The following GABRB1 variants were observed in gnomAD, a reference collection of about 807,000 sequenced individuals.
GABRB1 encodes the protein gamma-aminobutyric acid receptor subunit beta-1.
A neutral mutation model predicts 51.6 loss-of-function variants in GABRB1; 17 were observed. That is an observed-to-expected ratio of 0.33 (90% CI 0.23 to 0.49). The LOEUF (loss-of-function observed/expected upper bound fraction) is 0.49, where lower values mean the gene tolerates loss of function less well. Ranked by LOEUF, GABRB1 falls within the 20% of genes least tolerant of loss-of-function variation. The pLI, the probability that GABRB1 is intolerant of heterozygous loss-of-function variation, is 0.99. For missense variants in GABRB1, 410 were observed against 600.6 expected (o/e 0.68, Z 3.32); for synonymous variants, 247 against 218.9 (o/e 1.13, Z -1.14).
chr4:47,027,900 C>T (rs914550790), upstream of GABRB1, among the ~76,000 whole-genome samples: 27 of 151,636 alleles, frequency 1.8e-4, no homozygotes, highest in Admixed American at 7.9e-4. Context: ...GCAAATGCCA[C>T]CAATACATGC....
chr4:47,123,442 AT>A (rs1715889375), intron 3 of GABRB1, among the ~76,000 whole-genome samples: 2 of 117,544 alleles, frequency 1.7e-5, no homozygotes, highest in South Asian at 4.6e-4. Context: ...ATAATATATT[AT>A]TTTATATATT....
At chr4:47,189,172 A>G (rs531070516) in intron 4 of GABRB1, among the ~76,000 whole-genome samples, 15 of 151,808 alleles carry the variant, frequency 9.9e-5, no homozygotes, top group Admixed American at 4.6e-4. Context: ...AAAAGTTACC[A>G]AAAATAGAAG....
At chr4:47,284,207 C>T (rs1156574213) in intron 4 of GABRB1, among the ~76,000 whole-genome samples, 2 of 151,730 alleles carry the variant, frequency 1.3e-5, no homozygotes, top group Non-Finnish European at 2.9e-5. Context: ...GATTGACAGG[C>T]TTTTGGCTGA....
chr4:47,094,047 T>C (rs1294028252), intron 3 of GABRB1, among the ~76,000 whole-genome samples: 1 of 151,806 alleles, frequency 6.6e-6, no homozygotes, highest in Non-Finnish European at 1.5e-5. Flanking sequence ...GGCAAGAGGA[T>C]GGCAAGGAGG....
rs563859897 is a variant in GABRB1 at position 47,214,373 on chromosome 4, T to C, written c.461+52904T>C. Among the ~76,000 whole-genome samples the C allele has an allele frequency of 1.1e-3, 169 of 152,258 alleles. 1 individual carries two copies. The highest frequency in any genetic ancestry group is 6.0e-4 in the Non-Finnish European group (41 of 68,014). The stretch of plus-strand genomic sequence containing the variant: ...CTACCTCTCAGCTCCAGAGTGGGCT[T>C]TGTAGCTGGATCTGCTGGTTTGGAA... On this transcript the variant is annotated intron_variant, in intron 4 of 8. Transcript: ENST00000295454.
chr4:47,141,791 A>G (rs1029879586), intron 3 of GABRB1, among the ~76,000 whole-genome samples: 6 of 151,954 alleles, frequency 3.9e-5, no homozygotes, highest in Non-Finnish European at 8.8e-5. Context: ...AGTAAATATA[A>G]GTATCTATTG....
At chr4:47,256,223 A>G (rs1722193416) in intron 4 of GABRB1, among the ~76,000 whole-genome samples, 1 of 152,216 alleles carries the variant, frequency 6.6e-6, no homozygotes, top group Non-Finnish European at 1.5e-5. Flanking sequence ...ATGTTCTTTA[A>G]GGACTCATGG....
chr4:47,226,438 G>A (rs1359143970), intron 4 of GABRB1, among the ~76,000 whole-genome samples: 8 of 152,178 alleles, frequency 5.3e-5, no homozygotes, highest in East Asian at 1.9e-4. Context: ...TAGGAACATC[G>A]CCAAGAAGCA....
At chr4:47,085,824 CCT>C (rs1728032524) in intron 3 of GABRB1, among the ~76,000 whole-genome samples, 2 of 152,126 alleles carry the variant, frequency 1.3e-5, no homozygotes. Flanking sequence ...CCGGCTGTGC[CCT>C]GTCACCTCCA....
intron 8 of GABRB1, among the ~76,000 whole-genome samples, chr4:47,417,608 G>A (rs966195545): frequency 6.6e-6 from 1 of 152,186 alleles, no homozygotes; most frequent in African/African-American, 2.4e-5. Context: ...TTCTCTACAA[G>A]GGAAGGCAGC....
chr4:47,333,161 A>T (rs1007072644), intron 5 of GABRB1, among the ~76,000 whole-genome samples: 2 of 144,418 alleles, frequency 1.4e-5, no homozygotes, highest in African/African-American at 5.1e-5. Context: ...TATATTTAAA[A>T]ATATATACAT....
intron 3 of GABRB1, among the ~76,000 whole-genome samples, chr4:47,047,527 G>A (rs1726152260): frequency 6.6e-6 from 1 of 152,086 alleles, no homozygotes; most frequent in Non-Finnish European, 1.5e-5. Context: ...GAGTCTATGT[G>A]TGGTAATTAG....
chr4:47,171,443 T>A (rs1026266549), intron 4 of GABRB1, among the ~76,000 whole-genome samples: 3 of 152,132 alleles, frequency 2.0e-5, no homozygotes, highest in African/African-American at 7.2e-5. Context: ...ATTTATGAAA[T>A]TTTTCAAGTA....
Position 47,054,594 on chromosome 4 carries a change from T to TC in GABRB1, c.240+22110_240+22111insC, listed in dbSNP as rs1397213917. Among the ~76,000 whole-genome samples, 7 of 151,962 alleles carry TC rather than the reference T, an allele frequency of 4.6e-5. No homozygotes were observed. In the East Asian group the frequency reaches 1.4e-3, roughly 29 times the overall value. On this transcript the variant is annotated intron_variant, in intron 3 of 8. Coordinates refer to ENST00000295454, the MANE Select transcript of GABRB1 (RefSeq NM_000812.4). ...TTATTACTTTATGGGCAACATTTTT[T>TC]TTTTTGAGATGGAGTCTTGCTTTGT...
chr4:47,052,329 T>A (rs1188790808), intron 3 of GABRB1, among the ~76,000 whole-genome samples: 4 of 152,128 alleles, frequency 2.6e-5, no homozygotes, highest in Admixed American at 6.6e-5. Flanking sequence ...CAGCAAGGCA[T>A]AATCATTGTT....
At chr4:47,208,664 A>G (rs994352538) in intron 4 of GABRB1, among the ~76,000 whole-genome samples, 9 of 152,228 alleles carry the variant, frequency 5.9e-5, no homozygotes, top group African/African-American at 2.2e-4. Flanking sequence ...GGACATCAAT[A>G]GTTGTGAAAG....
intron 5 of GABRB1, among the ~76,000 whole-genome samples, chr4:47,349,539 T>C (rs956012972): frequency 1.2e-4 from 19 of 152,204 alleles, no homozygotes; most frequent in African/African-American, 3.4e-4. Flanking sequence ...GCATTCTGAG[T>C]AGCCTGATGA....
chr4:47,014,938 G>A (rs950896612), intron 1 of GABRB1, among the ~76,000 whole-genome samples: 11 of 151,948 alleles, frequency 7.2e-5, no homozygotes, highest in South Asian at 4.2e-4. Flanking sequence ...ACGGAGTCTC[G>A]CCCTGCCTTG....
intron 4 of GABRB1, among the ~76,000 whole-genome samples, chr4:47,216,290 G>A (rs761134325): frequency 1.3e-5 from 2 of 151,878 alleles, no homozygotes; most frequent in Non-Finnish European, 2.9e-5. Flanking sequence ...AGAGAAGAGG[G>A]AGGGTATCCT....
Sources: allele counts gnomAD v4.1 joint callset (sites outside exome capture counted in the v4.1 genomes callset), GRCh38; gene constraint gnomAD v4.1.1; transcripts MANE v1.5; gene names NCBI Gene and HGNC (gene_info 2026-07-23, HGNC 2026-07-21).